The following CMYA5 variants were observed in gnomAD, a reference collection of about 807,000 sequenced individuals.
CMYA5 encodes the protein cardiomyopathy associated 5.
In CMYA5, 246 loss-of-function variants were observed where a neutral mutation model predicts 318.9. The ratio of observed to expected loss-of-function variants is 0.77; its 90% CI spans 0.70 to 0.86. CMYA5 has a LOEUF of 0.86. CMYA5 is among the 40% of genes least tolerant of loss of function. The pLI, the probability that CMYA5 is intolerant of heterozygous loss-of-function variation, is 0.00. For synonymous variants in CMYA5, 1,641 were observed against 1,729.5 expected (o/e 0.95, Z 1.27); for missense variants, 4,589 against 4,678.2 (o/e 0.98, Z 0.56).
chr5:79,735,590 A>G lies in CMYA5; in HGVS notation c.6825A>G (p.Leu2275=), dbSNP rs570902106. The G allele has an allele frequency of 1.1e-5, 17 of 1,613,550 alleles. No homozygotes were observed. The East Asian group carries it at 3.1e-4, about 30-fold the overall frequency. ...KSMILSNVED[L]QQPKFISEVS... ...TGATTTTATCAAATGTAGAAGATTT[A>G]CAACAGCCAAAATTCATTTCTGAGG... The change falls in exon 2 of 13, where the codon TTA becomes TTG. Residue 2275 remains leucine, a synonymous_variant. Transcript: ENST00000446378.
chr5:79,773,989 T>C (rs751194947), intron 9 of CMYA5, among the ~76,000 whole-genome samples: 1 of 152,206 alleles, frequency 6.6e-6, no homozygotes, highest in Non-Finnish European at 1.5e-5. Context: ...GTCCTCTAGA[T>C]TGGAGAATCT....
intron 1 of CMYA5, among the ~76,000 whole-genome samples, chr5:79,717,568 A>T (rs1371336694): frequency 1.3e-5 from 2 of 152,218 alleles, no homozygotes; most frequent in African/African-American, 4.8e-5. Context: ...ATTCTAAGTG[A>T]AAAGAAAGAT....
Position 79,763,214 on chromosome 5 carries a change from GGGGCCC to G in CMYA5, c.11555+6_11555+11del, listed in dbSNP as rs766426674. ...TCCTGAGGGAGAGGGCCTCAGGTGA[GGGGCCC>G]TCTCCATGGGAGAGACTGCCCAGAG... On this transcript the variant is annotated splice_donor_region_variant and intron_variant, in intron 9 of 12. Coordinates refer to ENST00000446378, the MANE Select transcript of CMYA5 (RefSeq NM_153610.5). 18 of 1,594,624 alleles carry G rather than the reference GGGGCCC, an allele frequency of 1.1e-5. No homozygotes were observed. The highest frequency in any genetic ancestry group is 1.5e-5 in the Non-Finnish European group (17 of 1,172,300).
At chr5:79,792,480 T>C (rs1829198112) in intron 11 of CMYA5, among the ~76,000 whole-genome samples, 1 of 152,212 alleles carries the variant, frequency 6.6e-6, no homozygotes, top group South Asian at 2.1e-4. Context: ...TATTTATTAT[T>C]AACCTGAAAA....
At chr5:79,788,887 A>G in intron 9 of CMYA5, 84 bp from the exon 10 acceptor site, 8 of 1,336,758 alleles carry the variant, frequency 6.0e-6, no homozygotes, top group Non-Finnish European at 6.2e-6. Flanking sequence ...CTAATAAAAG[A>G]TGTTCATTCA....
Position 79,743,836 on chromosome 5 carries a change from G to C in CMYA5, c.10648G>C (p.Ala3550Pro), listed in dbSNP as rs1197686337. 2 of 1,526,902 alleles carry C rather than the reference G, an allele frequency of 1.3e-6. No homozygotes were observed. The highest frequency in any genetic ancestry group is 1.8e-6 in the Non-Finnish European group (2 of 1,126,908). The allele number at this position is 1,526,902 out of a possible 1,614,324, so 94.6% of individuals were successfully genotyped here. A position where few individuals can be genotyped will look rare whatever the true frequency, so the allele number is the denominator to read the frequency against. Residue 3550 changes from alanine to proline, a missense_variant, in exon 3 of 13, where the codon GCA (alanine) becomes CCA (proline). This residue lies in a region of CMYA5 where 2,431 missense variants were observed against 2,495.1 expected (regional missense o/e 0.97). Coordinates refer to ENST00000446378, the MANE Select transcript of CMYA5 (RefSeq NM_153610.5). ...TAISAVKVQL[A>P]EFLENLQEKS... ...TAATTCTTTTCTTCAGGTTCAATTAGCAGAATTTCTAGAAAATTTACAAGA... is the reference window on the plus strand; with the variant it reads ...TAATTCTTTTCTTCAGGTTCAATTACCAGAATTTCTAGAAAATTTACAAGA...
rs1479566901 is a variant in CMYA5, at chr5:79,734,816, A to T, written c.6051A>T (p.Glu2017Asp). 8 of 1,613,644 alleles carry T rather than the reference A, an allele frequency of 5.0e-6. No homozygotes were observed. The Admixed American group carries it at 1.2e-4, about 24-fold the overall frequency. ...AGATTCATTCTTTGATGGAGAGTGA[A>T]AGTTTGCTATTGGAGAAAGCAAACA... ...GKEIHSLMES[E>D]SLLLEKANTE... The change falls in exon 2 of 13, where the codon GAA becomes GAT. Residue 2017 changes from glutamate (E) to aspartate (D), a missense_variant. By Grantham distance (45) the Glu-to-Asp change is conservative. This residue lies in a region of CMYA5 where 2,431 missense variants were observed against 2,495.1 expected (regional missense o/e 0.97). Coordinates refer to ENST00000446378, the MANE Select transcript of CMYA5 (RefSeq NM_153610.5).
chr5:79,739,002 C>G lies in CMYA5; in HGVS notation c.10237C>G (p.Arg3413Gly). Residue 3413 changes from arginine to glycine, a missense_variant, in exon 2 of 13, where the codon CGT (arginine) becomes GGT (glycine). Coordinates refer to ENST00000446378, the MANE Select transcript of CMYA5 (RefSeq NM_153610.5). ...ACCTGAGCCAAGTGAAGAGAGGCTC[C>G]GTAATAGCCCTGTTCAGGATGAGTA... ...VPPEPSEERL[R>G]NSPVQDEYEF... is the part of the protein sequence containing the mutation. 1 of 1,613,770 alleles carries G rather than the reference C, an allele frequency of 6.2e-7. No individual in the cohort carries two copies. Among genetic ancestry groups the G allele is most frequent in the Non-Finnish European group, 8.5e-7 (1 of 1,179,806 alleles).
chr5:79,730,878 C>G lies in CMYA5; in HGVS notation c.2113C>G (p.Leu705Val), dbSNP rs370833980. The G allele has an allele frequency of 6.2e-7, 1 of 1,613,942 alleles. No individual in the cohort carries two copies. The highest frequency in any genetic ancestry group is 2.2e-5 in the East Asian group (1 of 44,882). The change falls in exon 2 of 13, where the codon CTG becomes GTG. Residue 705 changes from leucine (L) to valine (V), a missense_variant. By Grantham distance (32) the Leu-to-Val change is conservative. This residue lies in a region of CMYA5 where 2,132 missense variants were observed against 2,131.3 expected (regional missense o/e 1.00). Coordinates refer to ENST00000446378, the MANE Select transcript of CMYA5 (RefSeq NM_153610.5). The part of the protein sequence containing the change: ...TSASEYSVPS[L>V]ATKESLKKTI... ...TGCTTCTGAATATTCAGTTCCATCA[C>G]TGGCAACAAAAGAGTCACTGAAGAA...
At chr5:79,725,004 C>G (rs1827717683) in intron 1 of CMYA5, among the ~76,000 whole-genome samples, 2 of 152,232 alleles carry the variant, frequency 1.3e-5, no homozygotes, top group African/African-American at 4.8e-5. Flanking sequence ...TATTTTCCCT[C>G]TGAAGTTTTC....
chr5:79,736,142 T>C lies in CMYA5; in HGVS notation c.7377T>C (p.Asn2459=). The C allele has an allele frequency of 6.2e-7, 1 of 1,613,664 alleles. No individual in the cohort carries two copies. The highest frequency in any genetic ancestry group is 1.7e-5 in the Admixed American group (1 of 59,958). The change falls in exon 2 of 13, where the codon AAT becomes AAC. Residue 2459 remains asparagine (N), a synonymous_variant. Transcript: ENST00000446378. ...RSVSPTEKKD[N]LENRSYTLAE... Reference sequence around the variant, plus strand: ...TTAGTCCAACTGAGAAGAAAGATAATTTGGAAAACAGATCATATACCTTGG... The same window carrying C: ...TTAGTCCAACTGAGAAGAAAGATAACTTGGAAAACAGATCATATACCTTGG...
At position 79,760,386 on chromosome 5, in the gene CMYA5, A is replaced by C. The variant is rs866234195; in HGVS notation, c.11261-1425A>C. ...TTAAAGGGAGTGCCAGGGTAATAGG[A>C]TGTATTAGTTCATTCTCACACTGCT... On this transcript the variant is annotated intron_variant, in intron 7 of 12. Transcript: ENST00000446378. Among the ~76,000 whole-genome samples, 22 of 152,208 alleles carry C rather than the reference A, an allele frequency of 1.4e-4. 1 individual carries two copies. The highest frequency in any genetic ancestry group is 6.8e-3 in the Middle Eastern group (2 of 294).
At chr5:79,743,945 C>T (rs1486379927) in intron 3 of CMYA5, 23 bp downstream of exon 3, 1 of 1,249,722 alleles carries the variant, frequency 8.0e-7, no homozygotes, top group Non-Finnish European at 1.1e-6. Flanking sequence ...ACCCATTTTA[C>T]CTTAACCTGG....
At position 79,707,695 on chromosome 5, in the gene CMYA5, C is replaced by T. The variant is rs1442405720; in HGVS notation, c.149+17639C>T. Among the ~76,000 whole-genome samples the T allele has an allele frequency of 3.3e-5, 5 of 152,142 alleles. No homozygotes were observed. The East Asian group carries it at 7.7e-4, about 23-fold the overall frequency. On this transcript the variant is annotated intron_variant, in intron 1 of 12. Coordinates refer to ENST00000446378, the MANE Select transcript of CMYA5 (RefSeq NM_153610.5). ...TTTACATATCATTTCCACATAACTA[C>T]CTTATAAAGTAGATATGAGCCACCT...
At chr5:79,724,142 A>G (rs969296348) in intron 1 of CMYA5, among the ~76,000 whole-genome samples, 1 of 150,912 alleles carries the variant, frequency 6.6e-6, no homozygotes, top group Non-Finnish European at 1.5e-5. Flanking sequence ...ACATGGTGAT[A>G]CCCCATCTCT....
intron 1 of CMYA5, among the ~76,000 whole-genome samples, chr5:79,697,765 T>C (rs935737132): frequency 2.6e-5 from 4 of 152,184 alleles, no homozygotes; most frequent in African/African-American, 4.8e-5. Flanking sequence ...ATTAGCCAAT[T>C]TATTTCTTTT....
At chr5:79,772,104 G>T (rs748379473) in intron 9 of CMYA5, among the ~76,000 whole-genome samples, 1 of 151,106 alleles carries the variant, frequency 6.6e-6, no homozygotes, top group Non-Finnish European at 1.5e-5. Context: ...AGAAACCAAT[G>T]ACAGTTCCAT....
At chr5:79,746,977 G>A in intron 4 of CMYA5, 114 bp from the exon 5 acceptor site, 2 of 679,300 alleles carry the variant, frequency 2.9e-6, no homozygotes, top group Non-Finnish European at 5.1e-6. Flanking sequence ...TCAAACGTGG[G>A]TAATCTTAAT....
In CMYA5 at chr5:79,731,257, C is replaced by T; in HGVS notation, c.2492C>T (p.Thr831Ile). 6.2e-7 allele frequency: 1 copy of T among 1,614,040 alleles called. No individual in the cohort carries two copies. The highest frequency in any genetic ancestry group is 8.5e-7 in the Non-Finnish European group (1 of 1,179,890). ...AAACCAAAAGGTATTTCTGAGCACA[C>T]AGTTCTGTCAGTAGACGGCAAGGAG... ...QFKPKGISEH[T>I]VLSVDGKEVI... The change falls in exon 2 of 13, where the codon ACA becomes ATA. Residue 831 changes from threonine to isoleucine, a missense_variant. By Grantham distance (89) the Thr-to-Ile change is moderately conservative (BLOSUM62 -1). Transcript: ENST00000446378.
Sources: gnomAD v4.1 joint callset for allele counts (sites outside exome capture counted in the v4.1 genomes callset) on GRCh38, gnomAD v4.1.1 for gene constraint, gnomAD v4.1.1 regional missense constraint, MANE v1.5 for transcripts, NCBI Gene and HGNC (gene_info 2026-07-23, HGNC 2026-07-21) for gene names.